The following NELL1 variants were observed in gnomAD, a reference collection of about 807,000 sequenced individuals.
NELL1 encodes the protein neural EGFL like 1.
Under a neutral mutation model 107.4 loss-of-function variants are expected in NELL1, and 76 were observed. The observed-to-expected ratio is 0.71, with a 90% confidence interval of 0.59 to 0.86. NELL1 has a LOEUF of 0.86. NELL1 is among the 40% of genes least tolerant of loss of function. The pLI is 0.00. For missense variants in NELL1, 1,024 were observed against 1,005.5 expected (o/e 1.02, Z -0.25); for synonymous variants, 353 against 341.2 (o/e 1.03, Z -0.38).
chr11:20,919,519 C>T (rs998758478), intron 7 of NELL1, among the ~76,000 whole-genome samples, 185 bp downstream of exon 7: 4 of 152,020 alleles, frequency 2.6e-5, no homozygotes, highest in Non-Finnish European at 4.4e-5. Flanking sequence ...GTCTTTGATG[C>T]TATTAAGCTG....
chr11:21,005,919 C>T (rs1311786329), intron 12 of NELL1, among the ~76,000 whole-genome samples: 1 of 152,072 alleles, frequency 6.6e-6, no homozygotes. Flanking sequence ...GGACTTAGAC[C>T]AACTGAGGTT....
chr11:20,881,873 GCA>G (rs1849415281), intron 4 of NELL1, among the ~76,000 whole-genome samples: 1 of 152,186 alleles, frequency 6.6e-6, no homozygotes, highest in Non-Finnish European at 1.5e-5. Context: ...GCACAGCACA[GCA>G]CAGTGTCATA....
intron 2 of NELL1, among the ~76,000 whole-genome samples, chr11:20,717,364 G>A (rs1463905287): frequency 1.3e-5 from 2 of 152,118 alleles, no homozygotes; most frequent in Non-Finnish European, 1.5e-5. Flanking sequence ...GCCACATTTT[G>A]GTTGCCTGAA....
At chr11:20,814,825 G>C (rs938061744) in intron 3 of NELL1, among the ~76,000 whole-genome samples, 3 of 152,102 alleles carry the variant, frequency 2.0e-5, no homozygotes, top group African/African-American at 7.2e-5. Context: ...CCAGTAAAGG[G>C]ATTGCTGAGT....
intron 13 of NELL1, among the ~76,000 whole-genome samples, chr11:21,127,238 G>A (rs1458690541): frequency 1.3e-5 from 2 of 151,958 alleles, no homozygotes; most frequent in East Asian, 3.9e-4. Context: ...ATTATAAAAA[G>A]GGTTTTTCTA....
intron 2 of NELL1, among the ~76,000 whole-genome samples, chr11:20,684,262 T>A (rs1428841250): frequency 6.6e-6 from 1 of 151,858 alleles, no homozygotes; most frequent in Non-Finnish European, 1.5e-5. Flanking sequence ...AAAACAAAAA[T>A]TATTTTAAAA....
Position 21,289,324 on chromosome 11 carries a change from T to C in NELL1, c.1549+59870T>C, listed in dbSNP as rs903241647. ...CAACTAAAATACCTGGCTCATCTCA[T>C]TGGGACTGATTAGACAGTGGGTGCA... is the stretch of plus-strand genomic sequence containing the variant. On this transcript the variant is annotated intron_variant, in intron 14 of 19. Transcript: ENST00000357134. Among the ~76,000 whole-genome samples, 5 of 152,130 alleles carry C rather than the reference T, an allele frequency of 3.3e-5. No individual in the cohort carries two copies. In the East Asian group the frequency reaches 5.8e-4, roughly 18 times the overall value.
intron 15 of NELL1, among the ~76,000 whole-genome samples, chr11:21,530,690 A>T (rs980108240): frequency 7.9e-5 from 12 of 152,158 alleles, no homozygotes; most frequent in African/African-American, 2.9e-4. Context: ...GATTAGAGGT[A>T]GAAGCAAAGT....
intron 3 of NELL1, among the ~76,000 whole-genome samples, chr11:20,839,912 C>T (rs1590340140): frequency 6.6e-6 from 1 of 152,228 alleles, no homozygotes; most frequent in East Asian, 1.9e-4. Flanking sequence ...ACCTGGAACC[C>T]AAAGATATCT....
chr11:21,237,234 T>C (rs1170471274), intron 14 of NELL1, among the ~76,000 whole-genome samples: 1 of 152,090 alleles, frequency 6.6e-6, no homozygotes, highest in Non-Finnish European at 1.5e-5. Context: ...GGATCTGCAA[T>C]AATGTTATCA....
intron 12 of NELL1, among the ~76,000 whole-genome samples, chr11:21,028,036 C>G (rs1852860692): frequency 6.6e-6 from 1 of 152,148 alleles, no homozygotes; most frequent in Non-Finnish European, 1.5e-5. Flanking sequence ...TCCCCATACT[C>G]AGTTCTCAGA....
intron 5 of NELL1, among the ~76,000 whole-genome samples, chr11:20,911,217 C>T (rs542786960): frequency 6.6e-6 from 1 of 152,190 alleles, no homozygotes; most frequent in Non-Finnish European, 1.5e-5. Context: ...CTTGGACAAT[C>T]ATTTTGCTGC....
intron 13 of NELL1, chr11:21,169,881 C>T: frequency 7.1e-7 from 1 of 1,413,942 alleles, no homozygotes; most frequent in Non-Finnish European, 9.9e-7. Flanking sequence ...TGTCACCCAG[C>T]ACTGGCAGAT....
chr11:21,372,685 C>G (rs1851382558), intron 15 of NELL1, among the ~76,000 whole-genome samples: 1 of 151,644 alleles, frequency 6.6e-6, no homozygotes, highest in Admixed American at 6.6e-5. Flanking sequence ...GATGGAATAT[C>G]AGGGGGTGGT....
At chr11:21,041,625 A>G (rs1232727451) in intron 12 of NELL1, among the ~76,000 whole-genome samples, 3 of 152,186 alleles carry the variant, frequency 2.0e-5, no homozygotes, top group African/African-American at 7.2e-5. Flanking sequence ...GTCTGATTCA[A>G]AAATTCAAGG....
At chr11:20,915,717 A>ATATATATATATTTTTTTTTTTTTT in intron 5 of NELL1, among the ~76,000 whole-genome samples, 1 of 58,214 alleles carries the variant, frequency 1.7e-5, no homozygotes, top group African/African-American at 8.8e-5. Flanking sequence ...ATATATATAT[A>ATATATATATATTTTTTTTTTTTTT]TTTTTTTTTT....
At chr11:20,774,520 C>G (rs1856710982) in intron 2 of NELL1, among the ~76,000 whole-genome samples, 1 of 135,220 alleles carries the variant, frequency 7.4e-6, no homozygotes, top group Non-Finnish European at 1.6e-5. Context: ...CATATGCTAC[C>G]ATGCCTGGCT....
chr11:20,998,593 C>T (rs1007988113), intron 12 of NELL1, among the ~76,000 whole-genome samples: 1 of 152,132 alleles, frequency 6.6e-6, no homozygotes, highest in African/African-American at 2.4e-5. Flanking sequence ...GTGTAAGCAC[C>T]TTGACACAAA....
intron 14 of NELL1, among the ~76,000 whole-genome samples, chr11:21,268,722 A>G (rs1848682394): frequency 6.6e-6 from 1 of 152,210 alleles, no homozygotes; most frequent in Non-Finnish European, 1.5e-5. Context: ...TCCCTTTTAC[A>G]TAATACATCA....
Sources: allele counts gnomAD v4.1 joint callset (sites outside exome capture counted in the v4.1 genomes callset), GRCh38; gene constraint gnomAD v4.1.1; transcripts MANE v1.5; gene names NCBI Gene and HGNC (gene_info 2026-07-23, HGNC 2026-07-21).